The following ARHGAP44 variants were observed in gnomAD, a reference collection of about 807,000 sequenced individuals.
The protein encoded by ARHGAP44 is rho GTPase-activating protein 44.
ARHGAP44 carries 43 observed loss-of-function variants against 106.8 expected under a neutral mutation model. The ratio of observed to expected loss-of-function variants is 0.40; its 90% CI spans 0.32 to 0.52. The LOEUF (loss-of-function observed/expected upper bound fraction) is 0.52, where lower values mean the gene tolerates loss of function less well. Among genes scored for constraint, ARHGAP44 ranks in the 20% least tolerant of loss-of-function variants. The pLI is 0.48. For synonymous variants in ARHGAP44, 439 were observed against 410.3 expected (o/e 1.07, Z -0.85); for missense variants, 866 against 1,050.5 (o/e 0.82, Z 2.43).
intron 16 of ARHGAP44, among the ~76,000 whole-genome samples, chr17:12,963,413 G>C (rs924291810): frequency 2.6e-5 from 4 of 152,222 alleles, no homozygotes; most frequent in Non-Finnish European, 5.9e-5. Flanking sequence ...TCCTTGGAGA[G>C]AAATGGAAGT....
intron 10 of ARHGAP44, 85 bp downstream of exon 10, chr17:12,944,281 A>G (rs897036854): frequency 3.3e-5 from 48 of 1,434,160 alleles, no homozygotes; most frequent in Non-Finnish European, 4.2e-5. Flanking sequence ...CTCCTGTACC[A>G]TCTCCACTCC....
chr17:12,834,596 C>T (rs1283279492), intron 1 of ARHGAP44, among the ~76,000 whole-genome samples: 1 of 152,190 alleles, frequency 6.6e-6, no homozygotes, highest in African/African-American at 2.4e-5. Context: ...ATCTTCCACA[C>T]TGTGTTGGCA....
At chr17:12,891,187 C>A (rs2037034437) in intron 1 of ARHGAP44, among the ~76,000 whole-genome samples, 1 of 152,206 alleles carries the variant, frequency 6.6e-6, no homozygotes, top group African/African-American at 2.4e-5. Context: ...TTTTTCTAGC[C>A]TGCTCTTCCA....
chr17:12,866,562 A>G (rs2036244953), intron 1 of ARHGAP44, among the ~76,000 whole-genome samples: 1 of 152,220 alleles, frequency 6.6e-6, no homozygotes, highest in African/African-American at 2.4e-5. Context: ...GGCCCTGGAA[A>G]TTAGACCGGC....
At chr17:12,827,833 G>A (rs2150806888) in intron 1 of ARHGAP44, among the ~76,000 whole-genome samples, 1 of 152,026 alleles carries the variant, frequency 6.6e-6, no homozygotes, top group East Asian at 1.9e-4. Context: ...GAGGTCAGGA[G>A]TTCAAGACCA....
At chr17:12,947,551 A>G (rs758323381) in intron 10 of ARHGAP44, among the ~76,000 whole-genome samples, 4 of 152,166 alleles carry the variant, frequency 2.6e-5, no homozygotes, top group Non-Finnish European at 4.4e-5. Flanking sequence ...CCATCCTTCA[A>G]CATTTCCATG....
intron 1 of ARHGAP44, among the ~76,000 whole-genome samples, chr17:12,866,999 A>G (rs1293496457): frequency 1.3e-5 from 2 of 152,110 alleles, no homozygotes; most frequent in African/African-American, 4.8e-5. Flanking sequence ...AGCTCAAAAT[A>G]ATCCTTATCC....
chr17:12,931,101 T>G (rs1188828858), intron 7 of ARHGAP44, among the ~76,000 whole-genome samples: 1 of 152,222 alleles, frequency 6.6e-6, no homozygotes, highest in East Asian at 1.9e-4. Context: ...AGACAGAGTC[T>G]TGTTCTGTTA....
At chr17:12,933,617 G>A (rs1317586379) in intron 7 of ARHGAP44, among the ~76,000 whole-genome samples, 1 of 152,174 alleles carries the variant, frequency 6.6e-6, no homozygotes, top group Non-Finnish European at 1.5e-5. Context: ...GGAAGTATAA[G>A]TAGTTGGTAA....
chr17:12,898,251 G>A (rs968109833), intron 3 of ARHGAP44, among the ~76,000 whole-genome samples: 3 of 152,148 alleles, frequency 2.0e-5, no homozygotes, highest in Admixed American at 2.0e-4. Context: ...GGTGATTAGG[G>A]CAGATGAACA....
chr17:12,844,435 C>T (rs1277316422), intron 1 of ARHGAP44, among the ~76,000 whole-genome samples: 2 of 152,192 alleles, frequency 1.3e-5, no homozygotes, highest in East Asian at 1.9e-4. Flanking sequence ...AACGTTAATT[C>T]GTTCACGAGA....
chr17:12,887,305 T>C (rs1189024702), intron 1 of ARHGAP44, among the ~76,000 whole-genome samples: 1 of 152,178 alleles, frequency 6.6e-6, no homozygotes, highest in Non-Finnish European at 1.5e-5. Flanking sequence ...ATGGCTCACA[T>C]TGAACCTTGA....
intron 9 of ARHGAP44, 93 bp downstream of exon 9, chr17:12,943,762 A>T: frequency 1.5e-6 from 2 of 1,300,738 alleles, no homozygotes; most frequent in East Asian, 2.3e-5. Context: ...TGGCCCTAAC[A>T]CTCTGCCCAA....
chr17:12,795,525 GA>G (rs1281861015), intron 1 of ARHGAP44, among the ~76,000 whole-genome samples: 2 of 149,624 alleles, frequency 1.3e-5, no homozygotes, highest in Admixed American at 6.6e-5. Flanking sequence ...ATTTATCAAT[GA>G]TTTTTTTTTT....
Position 12,861,862 on chromosome 17 carries a change from TG to T in ARHGAP44, c.54-33076del, listed in dbSNP as rs536665205. Among the ~76,000 whole-genome samples, 17 of 152,110 alleles carry T rather than the reference TG, an allele frequency of 1.1e-4. No individual in the cohort carries two copies. In the East Asian group the frequency reaches 2.7e-3, roughly 24 times the overall value. On this transcript the variant is annotated intron_variant, in intron 1 of 20. Transcript: ENST00000379672. ...GTTGGCCAGGCTGGTCTTGAACTCC[TG>T]GCCCCAAATGATCCACTCGCCTCAG... is the stretch of plus-strand genomic sequence containing the variant.
intron 6 of ARHGAP44, among the ~76,000 whole-genome samples, chr17:12,925,027 T>A (rs2038191890): frequency 6.6e-6 from 1 of 152,108 alleles, no homozygotes; most frequent in Admixed American, 6.6e-5. Flanking sequence ...TGAAGTCTTG[T>A]TAGAACTGGC....
intron 20 of ARHGAP44, 75 bp downstream of exon 20, chr17:12,984,983 GT>G: frequency 6.7e-7 from 1 of 1,503,694 alleles, no homozygotes; most frequent in Non-Finnish European, 8.9e-7. Flanking sequence ...GATTGCTAGT[GT>G]TACTGCCAGT....
chr17:12,827,980 A>G (rs2034969975), intron 1 of ARHGAP44, among the ~76,000 whole-genome samples: 2 of 147,470 alleles, frequency 1.4e-5, no homozygotes, highest in African/African-American at 5.1e-5. Flanking sequence ...TGGAGGTTGC[A>G]GAGCTGAGAT....
At chr17:12,877,316 A>G (rs2036586676) in intron 1 of ARHGAP44, among the ~76,000 whole-genome samples, 1 of 152,146 alleles carries the variant, frequency 6.6e-6, no homozygotes, top group South Asian at 2.1e-4. Context: ...TTCTATTTGG[A>G]AAAGGTTGAT....
Sources: gnomAD v4.1 joint callset for allele counts (sites outside exome capture counted in the v4.1 genomes callset) on GRCh38, gnomAD v4.1.1 for gene constraint, MANE v1.5 for transcripts, NCBI Gene and HGNC (gene_info 2026-07-23, HGNC 2026-07-21) for gene names.